ANK2: variants seen among roughly 807,000 people sequenced by gnomAD.
ANK2 encodes ankyrin-2.
Under a neutral mutation model 360.5 loss-of-function variants are expected in ANK2, and 83 were observed. The observed-to-expected ratio is 0.23, with a 90% CI of 0.19 to 0.28. The LOEUF is 0.28. Ranked by LOEUF, ANK2 falls within the 10% of genes least tolerant of loss-of-function variation. The pLI, the probability that ANK2 is intolerant of heterozygous loss-of-function variation, is 1.00. For missense variants in ANK2, 4,201 were observed against 4,795.7 expected (o/e 0.88, Z 3.66); for synonymous variants, 1,740 against 1,759.5 (o/e 0.99, Z 0.28).
At chr4:112,831,814 C>T (rs866172066) in intron 1 of ANK2, among the ~76,000 whole-genome samples, 3 of 152,082 alleles carry the variant, frequency 2.0e-5, no homozygotes, top group Non-Finnish European at 4.4e-5. Context: ...AGCGAGACCA[C>T]GAACTCACTG....
intron 1 of ANK2, among the ~76,000 whole-genome samples, chr4:112,849,812 T>C (rs950016330): frequency 1.3e-5 from 2 of 152,234 alleles, no homozygotes; most frequent in Non-Finnish European, 2.9e-5. Context: ...GATGCCCAGA[T>C]AGTTGGTGAA....
intron 9 of ANK2, among the ~76,000 whole-genome samples, chr4:113,243,738 A>ACATTACTAACAT (rs1320498976): frequency 2.6e-5 from 4 of 152,214 alleles, no homozygotes; most frequent in African/African-American, 9.6e-5. Flanking sequence ...GCACATTACT[A>ACATTACTAACAT]CATTACTAAC....
intron 1 of ANK2, among the ~76,000 whole-genome samples, chr4:113,061,518 AT>A (rs1365592121): frequency 3.9e-5 from 6 of 152,098 alleles, no homozygotes; most frequent in African/African-American, 1.4e-4. Context: ...CTGTCAGGAG[AT>A]AATTTTTGTA....
rs912497160 is a variant in ANK2 at position 113,196,550 on chromosome 4, C to G, written c.285+84C>G. 27 of 1,250,312 alleles carry G rather than the reference C, an allele frequency of 2.2e-5. No homozygotes were observed. In the East Asian group the frequency reaches 6.9e-4, roughly 32 times the overall value. 77.5% of individuals were successfully genotyped at this position (1,250,312 alleles called of 1,614,324 possible). Reference sequence around the variant, plus strand: ...TTTTCATTTTTATTTATTTTTTAGACAAGGTCTCTTTCTGTTGCCCAGGAA... The same window carrying G: ...TTTTCATTTTTATTTATTTTTTAGAGAAGGTCTCTTTCTGTTGCCCAGGAA... On this transcript the variant is annotated intron_variant, in intron 3 of 45. Coordinates refer to ENST00000357077, the MANE Select transcript of ANK2 (RefSeq NM_001148.6).
chr4:113,006,171 A>C (rs903206134), intron 2 of ANK2, among the ~76,000 whole-genome samples: 5 of 152,240 alleles, frequency 3.3e-5, no homozygotes, highest in Non-Finnish European at 5.9e-5. Flanking sequence ...AGGACTTGAA[A>C]TCATACAACA....
chr4:112,937,786 A>G (rs780837306), intron 2 of ANK2, among the ~76,000 whole-genome samples: 40 of 152,338 alleles, frequency 2.6e-4, no homozygotes, highest in Non-Finnish European at 4.9e-4. Context: ...CAGTGGTACA[A>G]GAGACCCTCA....
intron 1 of ANK2, among the ~76,000 whole-genome samples, chr4:113,121,427 C>A (rs1457371525): frequency 1.3e-5 from 2 of 152,098 alleles, no homozygotes; most frequent in Admixed American, 6.6e-5. Flanking sequence ...CTTCCTACAG[C>A]TGAAAGAAAT....
rs2095639705 is a variant in ANK2, at chr4:113,354,727, C to A, written c.6109C>A (p.Leu2037Ile). 1 of 1,613,616 alleles carries A rather than the reference C, an allele frequency of 6.2e-7. No individual in the cohort carries two copies. The highest frequency in any genetic ancestry group is 1.7e-5 in the Admixed American group (1 of 59,888). ...VRVEKEKGPI[L>I]TQREAQKTEN... ...GGTAGAAAAAGAAAAGGGGCCGATA[C>A]TAACCCAGAGAGAAGCTCAGAAAAC... The change falls in exon 38 of 46, where the codon CTA becomes ATA. Residue 2037 changes from leucine (L) to isoleucine (I), a missense_variant. Physicochemically the swap from Leu to Ile is conservative, Grantham distance 5 (BLOSUM62 2). This residue lies in a region of ANK2 where 2,642 missense variants were observed against 2,714.5 expected (regional missense o/e 0.97). Transcript: ENST00000357077.
intron 1 of ANK2, among the ~76,000 whole-genome samples, chr4:113,111,245 G>T (rs1052458278): frequency 1.3e-5 from 2 of 152,014 alleles, no homozygotes; most frequent in African/African-American, 4.8e-5. Flanking sequence ...TCTATCAAAG[G>T]TTTATCCAAA....
At chr4:112,923,254 A>T (rs1281805537) in intron 2 of ANK2, among the ~76,000 whole-genome samples, 1 of 152,182 alleles carries the variant, frequency 6.6e-6, no homozygotes, top group East Asian at 1.9e-4. Context: ...GATAAAATTG[A>T]AGAGTTATTT....
At chr4:112,807,423 AC>A in the ANK2 span, among the ~76,000 whole-genome samples, 1 of 152,230 alleles carries the variant, frequency 6.6e-6, no homozygotes, top group African/African-American at 2.4e-5. Context: ...GTAAGGAAGA[AC>A]ATGGCAGAAC....
At chr4:112,724,556 TAC>T in the ANK2 span, among the ~76,000 whole-genome samples, 13,082 of 141,496 alleles carry the variant, frequency 0.092, 607 homozygotes, top group Non-Finnish European at 0.11. Context: ...CACACACACA[TAC>T]ACACACACAC....
intron 40 of ANK2, 132 bp downstream of exon 40, chr4:113,363,601 TATC>T (rs1235185033): frequency 3.1e-6 from 3 of 962,706 alleles, no homozygotes; most frequent in African/African-American, 1.6e-5. Flanking sequence ...CCTTGAGTAA[TATC>T]ATTTTGTTCA....
upstream of ANK2, among the ~76,000 whole-genome samples, chr4:113,047,680 A>T (rs200645476): frequency 0.018 from 88 of 4,874 alleles, 1 homozygote; most frequent in South Asian, 0.097. Flanking sequence ...GTTTTGTTTT[A>T]AAAAAAAAGA....
intron 22 of ANK2, among the ~76,000 whole-genome samples, chr4:113,296,700 A>G (rs1182247135): frequency 2.0e-5 from 3 of 152,156 alleles, no homozygotes; most frequent in Non-Finnish European, 4.4e-5. Context: ...GAGACATTTT[A>G]GCATTCTCCT....
chr4:112,814,304 A>G (rs1397946650), upstream of ANK2, among the ~76,000 whole-genome samples: 1 of 152,210 alleles, frequency 6.6e-6, no homozygotes, highest in Non-Finnish European at 1.5e-5. Context: ...CCAACGAGAG[A>G]AATATTCAGT....
At chr4:112,914,532 AG>A (rs1202909212) in intron 2 of ANK2, among the ~76,000 whole-genome samples, 1 of 152,212 alleles carries the variant, frequency 6.6e-6, no homozygotes, top group Non-Finnish European at 1.5e-5. Context: ...CTGAGGTAGA[AG>A]AATCACTTGA....
chr4:113,350,324 T>G, intron 37 of ANK2, 75 bp downstream of exon 37: 7 of 1,267,340 alleles, frequency 5.5e-6, no homozygotes, highest in Non-Finnish European at 7.9e-6. Context: ...AAATGCAAGC[T>G]AGTTGCTATT....
At chr4:113,078,896 A>C (rs1466484953) in intron 1 of ANK2, among the ~76,000 whole-genome samples, 1 of 152,254 alleles carries the variant, frequency 6.6e-6, no homozygotes, top group East Asian at 1.9e-4. Flanking sequence ...TTAAACTCAT[A>C]TTTTAATATA....
Sources: gnomAD v4.1 joint callset for allele counts (sites outside exome capture counted in the v4.1 genomes callset) on GRCh38, gnomAD v4.1.1 for gene constraint, gnomAD v4.1.1 regional missense constraint, MANE v1.5 for transcripts, NCBI Gene and HGNC (gene_info 2026-07-23, HGNC 2026-07-21) for gene names.